The following BTBD2 variants were observed in gnomAD, a reference collection of about 807,000 sequenced individuals.
The protein encoded by BTBD2 is BTB domain containing 2.
Under a neutral mutation model 44.0 loss-of-function variants are expected in BTBD2, and 15 were observed. The ratio of observed to expected loss-of-function variants is 0.34; its 90% CI spans 0.23 to 0.53. The LOEUF (loss-of-function observed/expected upper bound fraction) is 0.53, where lower values mean the gene tolerates loss of function less well. Ranked by LOEUF, BTBD2 falls within the 20% of genes least tolerant of loss-of-function variation. The pLI, the probability that BTBD2 is intolerant of heterozygous loss-of-function variation, is 0.95. For synonymous variants in BTBD2, 443 were observed against 335.9 expected (o/e 1.32, Z -3.49); for missense variants, 657 against 746.4 (o/e 0.88, Z 1.39).
rs764995572 is a variant in BTBD2 at position 1,987,138 on chromosome 19, G to A, written c.1269+28C>T. On this transcript the variant is annotated intron_variant, in intron 7 of 8. Transcript: ENST00000255608. ...GAGAGAGGACATGGGCCTGAGTGGG[G>A]CCTGGGGATGAGGCTTGGGGCTGGT... The A allele has an allele frequency of 6.2e-6, 10 of 1,609,142 alleles. No individual in the cohort carries two copies. The Admixed American group carries it at 1.7e-4, about 27-fold the overall frequency.
At chr19:1,997,929 T>C (rs2016273466) in intron 1 of BTBD2, among the ~76,000 whole-genome samples, 1 of 152,256 alleles carries the variant, frequency 6.6e-6, no homozygotes, top group Non-Finnish European at 1.5e-5. Context: ...TTAACTAATT[T>C]CCATGTACAT....
chr19:1,990,892 G>A lies in BTBD2; in HGVS notation c.685-70C>T, dbSNP rs372567087. The A allele has an allele frequency of 1.6e-4, 217 of 1,390,026 alleles. 1 individual carries two copies. The highest frequency in any genetic ancestry group is 1.5e-3 in the South Asian group (118 of 79,514). 86.1% of individuals were successfully genotyped at this position (1,390,026 alleles called of 1,614,324 possible). On this transcript the variant is annotated intron_variant, in intron 3 of 8. Coordinates refer to ENST00000255608, the MANE Select transcript of BTBD2 (RefSeq NM_017797.4). The stretch of plus-strand genomic sequence containing the variant: ...CCAGCCCTCGGCAGATCCCCAGTGC[G>A]GGGCCGGTTCAAATGCAGCCCTGAC...
intron 1 of BTBD2, among the ~76,000 whole-genome samples, chr19:1,999,437 G>A (rs1014045027): frequency 7.2e-5 from 11 of 152,348 alleles, no homozygotes; most frequent in East Asian, 1.9e-4. Flanking sequence ...AGACCAAGGC[G>A]GGAGGATCGC....
chr19:2,013,184 G>A (rs1361137354), intron 1 of BTBD2, among the ~76,000 whole-genome samples: 4 of 152,144 alleles, frequency 2.6e-5, no homozygotes, highest in African/African-American at 4.8e-5. Flanking sequence ...GCCAGAACAC[G>A]TTAACAAAAG....
intron 6 of BTBD2, 57 bp downstream of exon 6, chr19:1,987,443 A>T: frequency 1.9e-6 from 1 of 525,988 alleles, no homozygotes; most frequent in Non-Finnish European, 2.8e-6. Flanking sequence ...CATCTCCGTC[A>T]TCCCCGAGTC....
intron 2 of BTBD2, among the ~76,000 whole-genome samples, chr19:1,996,984 CCTGA>C (rs1358043814): frequency 2.0e-5 from 3 of 152,154 alleles, no homozygotes; most frequent in East Asian, 1.9e-4. Context: ...TCGAGACCAT[CCTGA>C]CTAACACAGT....
At chr19:1,991,277 G>C (rs961892585) in intron 3 of BTBD2, 1 of 164,878 alleles carries the variant, frequency 6.1e-6, no homozygotes, top group African/African-American at 2.4e-5. Context: ...TCCATCCCAA[G>C]ACAAACAGCA....
intron 1 of BTBD2, among the ~76,000 whole-genome samples, chr19:2,012,703 T>C (rs1599362744): frequency 6.6e-6 from 1 of 152,176 alleles, no homozygotes; most frequent in African/African-American, 2.4e-5. Flanking sequence ...CTGGGCCTCA[T>C]TGCCCTCTCC....
At chr19:2,011,700 C>T (rs140790530) in intron 1 of BTBD2, among the ~76,000 whole-genome samples, 148 of 152,244 alleles carry the variant, frequency 9.7e-4, no homozygotes, top group African/African-American at 3.3e-3. Flanking sequence ...CCAACGGTGC[C>T]GGCCTCTCCT....
chr19:2,013,902 AG>A (rs1427911624), intron 1 of BTBD2: 1 of 41,114 alleles, frequency 2.4e-5, no homozygotes, highest in Non-Finnish European at 4.8e-5. Flanking sequence ...GGGAAGAGGG[AG>A]GGGTCTTGTG....
In BTBD2 at chr19:1,986,499, AGAT is replaced by A. The variant is rs749800271; in HGVS notation, c.1564_1566del (p.Ile522del). 2 of 1,613,840 alleles carry A rather than the reference AGAT, an allele frequency of 1.2e-6. No homozygotes were observed. The highest frequency in any genetic ancestry group is 2.2e-5 in the East Asian group (1 of 44,868). On this transcript the variant is annotated inframe_deletion, in exon 9 of 9. Transcript: ENST00000255608. ...CGGTGTCGGGCAGCCTAGGTGTAGAAGATGACCTCGGGGATCTGGCCGTCCTCC... is the reference window on the plus strand; with the variant it reads ...CGGTGTCGGGCAGCCTAGGTGTAGAAGACCTCGGGGATCTGGCCGTCCTCC...
At chr19:1,987,128 C>T in intron 7 of BTBD2, 38 bp downstream of exon 7, 1 of 1,604,898 alleles carries the variant, frequency 6.2e-7, no homozygotes, top group Non-Finnish European at 8.5e-7. Flanking sequence ...AGGACATGGG[C>T]CTGAGTGGGG....
chr19:2,007,206 G>A (rs193024435), intron 1 of BTBD2, among the ~76,000 whole-genome samples: 11 of 152,080 alleles, frequency 7.2e-5, no homozygotes, highest in African/African-American at 2.7e-4. Flanking sequence ...GGCCAGGCTG[G>A]TCTTGAACTC....
chr19:1,990,207 G>C lies in BTBD2; in HGVS notation c.791-6C>G, dbSNP rs1360536773. On this transcript the variant is annotated splice_polypyrimidine_tract_variant and splice_region_variant and intron_variant, in intron 4 of 8. Transcript: ENST00000255608. ...CAGGACAGCCACCAGCGTGTCTGTG[G>C]GGTGGAGGAAGGGGCTGCGTGAACA... 4 of 1,589,266 alleles carry C rather than the reference G, an allele frequency of 2.5e-6. No individual in the cohort carries two copies. Among genetic ancestry groups the C allele is most frequent in the Non-Finnish European group, 3.4e-6 (4 of 1,168,990 alleles).
chr19:2,009,679 G>A lies in BTBD2; in HGVS notation c.407+5618C>T, dbSNP rs542986419. ...CCCTGGGCAACATGACGGAAATACT[G>A]TCTCTACTAAAAATACAAAAATTAG... On this transcript the variant is annotated intron_variant, in intron 1 of 8. Coordinates refer to ENST00000255608, the MANE Select transcript of BTBD2 (RefSeq NM_017797.4). Among the ~76,000 whole-genome samples the A allele has an allele frequency of 7.3e-5, 11 of 149,780 alleles. No homozygotes were observed. In the South Asian group the frequency reaches 2.3e-3, roughly 32 times the overall value.
intron 1 of BTBD2, among the ~76,000 whole-genome samples, chr19:2,010,662 C>T (rs1485751731): frequency 4.0e-5 from 6 of 148,584 alleles, no homozygotes; most frequent in Middle Eastern, 3.5e-3. Flanking sequence ...TTTTTTGAGA[C>T]GGAGTCTCGC....
At chr19:2,004,543 C>T (rs989249011) in intron 1 of BTBD2, among the ~76,000 whole-genome samples, 1 of 151,838 alleles carries the variant, frequency 6.6e-6, no homozygotes, top group Admixed American at 6.6e-5. Context: ...GTGATTCGCC[C>T]GCCTCGGCCT....
At chr19:2,007,294 A>G (rs546105664) in intron 1 of BTBD2, among the ~76,000 whole-genome samples, 2 of 152,326 alleles carry the variant, frequency 1.3e-5, no homozygotes, top group East Asian at 3.8e-4. Flanking sequence ...CCTGGCCAAT[A>G]AAGTTTTATT....
At chr19:2,007,820 T>A (rs991950384) in intron 1 of BTBD2, among the ~76,000 whole-genome samples, 4 of 148,834 alleles carry the variant, frequency 2.7e-5, no homozygotes. Flanking sequence ...AGAGCGAGAC[T>A]CTGTCTCAAA....
Sources: gnomAD v4.1 joint callset for allele counts (sites outside exome capture counted in the v4.1 genomes callset) on GRCh38, gnomAD v4.1.1 for gene constraint, MANE v1.5 for transcripts, NCBI Gene and HGNC (gene_info 2026-07-23, HGNC 2026-07-21) for gene names.